SEC62: variants seen among roughly 807,000 people sequenced by gnomAD.
The protein encoded by SEC62 is translocation protein SEC62.
A neutral mutation model predicts 47.5 loss-of-function variants in SEC62; 10 were observed. The ratio of observed to expected loss-of-function variants is 0.21; its 90% CI spans 0.13 to 0.36. The LOEUF (loss-of-function observed/expected upper bound fraction) is 0.36. SEC62 is among the 10% of genes least tolerant of loss of function. SEC62 has a pLI of 1.00. For synonymous variants in SEC62, 136 were observed against 150.5 expected (o/e 0.90, Z 0.71); for missense variants, 327 against 464.1 (o/e 0.70, Z 2.71).
At chr3:169,990,095 T>C (rs144618096) in intron 7 of SEC62, among the ~76,000 whole-genome samples, 130 of 149,356 alleles carry the variant, frequency 8.7e-4, no homozygotes, top group Middle Eastern at 3.5e-3. Flanking sequence ...ATATGAAATA[T>C]ATTTTTATAT....
intron 6 of SEC62, among the ~76,000 whole-genome samples, chr3:169,987,600 A>G (rs1715139959): frequency 6.6e-6 from 1 of 152,228 alleles, no homozygotes; most frequent in Admixed American, 6.5e-5. Context: ...TACATAGCTT[A>G]TAAGTGATGG....
chr3:169,969,288 A>G (rs940225930), intron 1 of SEC62: 1 of 456,442 alleles, frequency 2.2e-6, no homozygotes, highest in Non-Finnish European at 4.4e-6. Context: ...GTAATTCAGT[A>G]TAATTTCAGA....
At chr3:169,975,552 A>T (rs1714816212) in intron 1 of SEC62, 56 bp from the exon 2 acceptor site, 2 of 1,076,718 alleles carry the variant, frequency 1.9e-6, no homozygotes, top group Non-Finnish European at 2.8e-6. Context: ...ATTATTATTC[A>T]GCGCATGAAT....
At chr3:169,975,419 G>T in intron 1 of SEC62, 189 bp from the exon 2 acceptor site, 1 of 432,736 alleles carries the variant, frequency 2.3e-6, no homozygotes. Flanking sequence ...ACTTATATTT[G>T]AAAAACGTAG....
chr3:169,978,148 G>A (rs1329950205), intron 3 of SEC62, among the ~76,000 whole-genome samples: 3 of 151,620 alleles, frequency 2.0e-5, no homozygotes, highest in South Asian at 2.1e-4. Context: ...GTGTGGTGGC[G>A]GGCACCTATA....
Position 169,998,241 on chromosome 3 carries a change from A to G in SEC62, c.*5178A>G, listed in dbSNP as rs962414879. The G allele has an allele frequency of 1.3e-5, 2 of 152,216 alleles. No individual in the cohort carries two copies. The highest frequency in any genetic ancestry group is 4.8e-5 in the African/African-American group (2 of 41,464). The allele number at this position is 152,216 out of a possible 1,614,324, so 9.4% of individuals were successfully genotyped here. On this transcript the variant is annotated 3_prime_UTR_variant, in exon 8 of 8. Coordinates refer to ENST00000337002, the MANE Select transcript of SEC62 (RefSeq NM_003262.4). ...TATAACTTATTCAAAGGCCAATGAT[A>G]CTTCGCATAATTCAATTTTAATATT... is the stretch of plus-strand genomic sequence containing the variant.
chr3:169,983,109 A>G (rs945270060), intron 4 of SEC62, 52 bp from the exon 5 acceptor site: 5 of 1,501,750 alleles, frequency 3.3e-6, no homozygotes, highest in Admixed American at 1.9e-5. Flanking sequence ...TATGAACATC[A>G]TATTTCTTGC....
At chr3:169,970,183 G>C (rs756111569) in intron 1 of SEC62, among the ~76,000 whole-genome samples, 1 of 152,150 alleles carries the variant, frequency 6.6e-6, no homozygotes, top group Non-Finnish European at 1.5e-5. Flanking sequence ...AAGGGAGTTG[G>C]AGCTATTACA....
In SEC62 at chr3:169,985,785, A is replaced by G; in HGVS notation, c.550-20A>G. The G allele has an allele frequency of 6.3e-7, 1 of 1,598,546 alleles. No individual in the cohort carries two copies. The highest frequency in any genetic ancestry group is 1.1e-5 in the South Asian group (1 of 87,806). On this transcript the variant is annotated intron_variant, in intron 5 of 7. Coordinates refer to ENST00000337002, the MANE Select transcript of SEC62 (RefSeq NM_003262.4). ...GTGACATTAGAACTTTTAAGCACCGAGGTTTCTTGATTCTTCTAGGTGTAT... is the reference window on the plus strand; with the variant it reads ...GTGACATTAGAACTTTTAAGCACCGGGGTTTCTTGATTCTTCTAGGTGTAT...
At chr3:169,971,197 A>G (rs1273382684) in intron 1 of SEC62, among the ~76,000 whole-genome samples, 2 of 151,834 alleles carry the variant, frequency 1.3e-5, no homozygotes, top group East Asian at 3.9e-4. Context: ...CAACCTCCCA[A>G]CTAGCTGGGA....
At chr3:169,977,093 A>C (rs780112363) in intron 3 of SEC62, 42 bp downstream of exon 3, 6 of 1,402,630 alleles carry the variant, frequency 4.3e-6, no homozygotes, top group Non-Finnish European at 6.0e-6. Flanking sequence ...AATAATTTTA[A>C]ATTTTCTTCA....
chr3:169,976,060 A>G (rs190520098), intron 2 of SEC62, among the ~76,000 whole-genome samples: 12 of 152,330 alleles, frequency 7.9e-5, no homozygotes, highest in African/African-American at 2.9e-4. Context: ...TTATAACACC[A>G]GAGCTTATAA....
At chr3:169,982,421 A>G (rs936927621) in intron 3 of SEC62, among the ~76,000 whole-genome samples, 1 of 152,206 alleles carries the variant, frequency 6.6e-6, no homozygotes, top group Non-Finnish European at 1.5e-5. Context: ...AAGAGTCTTT[A>G]TATGGATAAT....
chr3:169,990,005 A>G (rs1715203224), intron 7 of SEC62, among the ~76,000 whole-genome samples: 1 of 90,812 alleles, frequency 1.1e-5, no homozygotes, highest in Non-Finnish European at 2.3e-5. Context: ...TATATGATAT[A>G]TCATAATATT....
chr3:169,972,371 A>G (rs1433963389), intron 1 of SEC62, among the ~76,000 whole-genome samples: 1 of 152,072 alleles, frequency 6.6e-6, no homozygotes, highest in East Asian at 1.9e-4. Flanking sequence ...AAACTTGTTC[A>G]TCTTTCAAAC....
intron 3 of SEC62, among the ~76,000 whole-genome samples, chr3:169,980,766 A>G (rs768033477): frequency 2.6e-5 from 4 of 152,252 alleles, no homozygotes; most frequent in Non-Finnish European, 5.9e-5. Context: ...ATAGCCAGCC[A>G]CATTACCATT....
intron 6 of SEC62, 102 bp from the exon 7 acceptor site, chr3:169,988,138 T>G: frequency 1.5e-6 from 2 of 1,328,580 alleles, no homozygotes; most frequent in Non-Finnish European, 2.1e-6. Flanking sequence ...TTCACTGTGT[T>G]TATGTTTCTC....
chr3:169,996,290 T>G lies in SEC62; in HGVS notation c.*3227T>G, dbSNP rs1366042234. ...CATGCTCCAGTATTTGAGTGATGTT[T>G]TAAATATCCTATGTCTGAAAATAAT... is the stretch of plus-strand genomic sequence containing the variant. On this transcript the variant is annotated 3_prime_UTR_variant, in exon 8 of 8. Coordinates refer to ENST00000337002, the MANE Select transcript of SEC62 (RefSeq NM_003262.4). The G allele has an allele frequency of 1.3e-5, 2 of 152,646 alleles. No homozygotes were observed. Among genetic ancestry groups the G allele is most frequent in the Non-Finnish European group, 2.9e-5 (2 of 68,038 alleles). 9.5% of individuals were successfully genotyped at this position (152,646 alleles called of 1,614,324 possible).
chr3:169,993,358 G>C lies in SEC62; in HGVS notation c.*295G>C, dbSNP rs1025795530. On this transcript the variant is annotated 3_prime_UTR_variant, in exon 8 of 8. Transcript: ENST00000337002. ...TTTCCACAGTTAAATTTACATTAAT[G>C]GCAATTTTTGATAGTTTTATGGCTT... 29 of 254,856 alleles carry C rather than the reference G, an allele frequency of 1.1e-4. No homozygotes were observed. Among genetic ancestry groups the C allele is most frequent in the Middle Eastern group, 1.2e-3 (1 of 854 alleles). The allele number at this position is 254,856 out of a possible 1,614,324, so 15.8% of individuals were successfully genotyped here.
Sources: allele counts gnomAD v4.1 joint callset (sites outside exome capture counted in the v4.1 genomes callset), GRCh38; gene constraint gnomAD v4.1.1; transcripts MANE v1.5; gene names NCBI Gene and HGNC (gene_info 2026-07-23, HGNC 2026-07-21).